Variants in SIPA1L3 observed in about 807,000 individuals in gnomAD.
SIPA1L3 encodes the protein signal induced proliferation associated 1 like 3.
A neutral mutation model predicts 150.1 loss-of-function variants in SIPA1L3; 59 were observed. That is an observed-to-expected ratio of 0.39 (90% CI 0.32 to 0.49). SIPA1L3 has a LOEUF of 0.49. Among genes scored for constraint, SIPA1L3 ranks in the 20% least tolerant of loss-of-function variants. SIPA1L3 has a pLI of 0.86. For synonymous variants in SIPA1L3, 1,070 were observed against 1,077.6 expected (o/e 0.99, Z 0.14); for missense variants, 2,211 against 2,489.5 (o/e 0.89, Z 2.38).
At chr19:37,986,565 G>A (rs755400826) in intron 1 of SIPA1L3, among the ~76,000 whole-genome samples, 1 of 152,214 alleles carries the variant, frequency 6.6e-6, no homozygotes, top group Admixed American at 6.5e-5. Context: ...TGTCGCCAGC[G>A]TTGGGGGCCT....
intron 2 of SIPA1L3, among the ~76,000 whole-genome samples, chr19:38,058,645 A>G (rs905126317): frequency 2.4e-4 from 36 of 152,268 alleles, no homozygotes; most frequent in African/African-American, 6.7e-4. Flanking sequence ...GAGAAAGTGA[A>G]TCTCAAGCTA....
At position 38,119,726 on chromosome 19, in the gene SIPA1L3, C is replaced by T; in HGVS notation, c.2712C>T (p.Thr904=). ...TTGTGGTGCTCCTGGACTTACGCAC[C>T]AAGGAGGTGGTGTTCAACTGCTACT... ...NEFVVLLDLR[T]KEVVFNCYCG... Residue 904 remains threonine (T), a synonymous_variant, in exon 9 of 22, where the codon ACC becomes ACT. Coordinates refer to ENST00000222345, the MANE Select transcript of SIPA1L3 (RefSeq NM_015073.3). 1 of 1,614,144 alleles carries T rather than the reference C, an allele frequency of 6.2e-7. No individual in the cohort carries two copies. The highest frequency in any genetic ancestry group is 8.5e-7 in the Non-Finnish European group (1 of 1,180,018).
At chr19:37,973,554 A>AG (rs529590845) in intron 1 of SIPA1L3, among the ~76,000 whole-genome samples, 1 of 31,712 alleles carries the variant, frequency 3.2e-5, no homozygotes, top group Non-Finnish European at 6.2e-5. Context: ...AAAAAAAAAA[A>AG]GCGGGAGGGG....
intron 1 of SIPA1L3, among the ~76,000 whole-genome samples, chr19:37,919,521 A>G (rs2046440089): frequency 6.6e-6 from 1 of 152,160 alleles, no homozygotes; most frequent in Non-Finnish European, 1.5e-5. Context: ...TATGCAAGTC[A>G]CTGGCTCCAG....
At chr19:38,190,902 G>A (rs184463564) in intron 16 of SIPA1L3, among the ~76,000 whole-genome samples, 6 of 152,136 alleles carry the variant, frequency 3.9e-5, no homozygotes, top group East Asian at 3.9e-4. Flanking sequence ...CACACCATAC[G>A]TGTTTCCTGC....
chr19:38,079,281 C>T (rs375034397), intron 2 of SIPA1L3, among the ~76,000 whole-genome samples: 2 of 152,148 alleles, frequency 1.3e-5, no homozygotes, highest in East Asian at 3.9e-4. Context: ...TGCAGTGAGC[C>T]GAGATCGCGC....
intron 15 of SIPA1L3, among the ~76,000 whole-genome samples, chr19:38,171,571 ATAG>A (rs1342071803): frequency 6.6e-6 from 1 of 151,138 alleles, no homozygotes; most frequent in African/African-American, 2.4e-5. Context: ...TTTTGTATTT[ATAG>A]TAGAGACAGG....
intron 10 of SIPA1L3, among the ~76,000 whole-genome samples, chr19:38,140,581 G>A (rs1463881027): frequency 6.6e-6 from 1 of 152,134 alleles, no homozygotes; most frequent in Non-Finnish European, 1.5e-5. Flanking sequence ...CCTGGCAGCC[G>A]TGTGGCCTGG....
At chr19:38,186,967 A>G (rs1409425899) in intron 16 of SIPA1L3, among the ~76,000 whole-genome samples, 2 of 146,876 alleles carry the variant, frequency 1.4e-5, no homozygotes, top group Non-Finnish European at 3.0e-5. Flanking sequence ...AGATCGTGCC[A>G]TTACACTCCA....
At chr19:37,957,367 G>A (rs190879208) in intron 1 of SIPA1L3, among the ~76,000 whole-genome samples, 1 of 152,292 alleles carries the variant, frequency 6.6e-6, no homozygotes, top group East Asian at 1.9e-4. Context: ...AATATGGTGA[G>A]AATTGCCATA....
At chr19:38,106,329 A>T in intron 6 of SIPA1L3, 1 of 463,904 alleles carries the variant, frequency 2.2e-6, no homozygotes, top group South Asian at 2.1e-5. Flanking sequence ...CTGGTCTCGA[A>T]CTCCTGACCT....
chr19:37,984,381 A>G (rs563794133), intron 1 of SIPA1L3, among the ~76,000 whole-genome samples: 1 of 152,288 alleles, frequency 6.6e-6, no homozygotes, highest in South Asian at 2.1e-4. Flanking sequence ...GGGAGGCAAT[A>G]TTAGAACTAA....
intron 16 of SIPA1L3, chr19:38,184,868 A>G (rs1332958703): frequency 6.6e-6 from 1 of 152,136 alleles, no homozygotes; most frequent in Non-Finnish European, 1.5e-5. Context: ...CATTGACTAC[A>G]CACGTTTATA....
In SIPA1L3 at chr19:38,188,189, G is replaced by C. The variant is rs1294216345; in HGVS notation, c.4431-3956G>C. Among the ~76,000 whole-genome samples the C allele has an allele frequency of 2.6e-5, 4 of 151,484 alleles. No individual in the cohort carries two copies. In the East Asian group the frequency reaches 5.8e-4, roughly 22 times the overall value. ...AACATGTTTTGTTGTTGTGGTGGTG[G>C]TGGTGGTGGTGGTGGTGACAGGGTT... On this transcript the variant is annotated intron_variant, in intron 16 of 21. Transcript: ENST00000222345.
At chr19:38,040,718 G>C (rs1195323190) in intron 2 of SIPA1L3, among the ~76,000 whole-genome samples, 3 of 152,170 alleles carry the variant, frequency 2.0e-5, no homozygotes, top group African/African-American at 7.2e-5. Context: ...TTCAACTGAA[G>C]TATTTTGTTT....
chr19:37,918,979 TATTCTGGTGGGTGCTGTGG>T (rs1170433849), intron 1 of SIPA1L3, among the ~76,000 whole-genome samples: 1 of 152,154 alleles, frequency 6.6e-6, no homozygotes, highest in Non-Finnish European at 1.5e-5. Flanking sequence ...CATTGCTGTG[TATTCTGGTGGGTGCTGTGG>T]GCTCTGGTGG....
At chr19:37,972,215 C>T (rs1966960292) in intron 1 of SIPA1L3, among the ~76,000 whole-genome samples, 1 of 141,892 alleles carries the variant, frequency 7.0e-6, no homozygotes, top group Admixed American at 7.0e-5. Flanking sequence ...GTCATGGGCC[C>T]TTTGACATCT....
intron 1 of SIPA1L3, among the ~76,000 whole-genome samples, chr19:38,023,185 A>G (rs1410797979): frequency 6.6e-6 from 1 of 152,184 alleles, no homozygotes; most frequent in Non-Finnish European, 1.5e-5. Context: ...CAGCACAGTG[A>G]AATCCTCATA....
chr19:38,191,999 C>A, intron 16 of SIPA1L3, 146 bp from the exon 17 acceptor site: 1 of 675,066 alleles, frequency 1.5e-6, no homozygotes, highest in Non-Finnish European at 2.4e-6. Context: ...TGGAGCCAAG[C>A]CCCTCTCTGC....
Sources: allele counts gnomAD v4.1 joint callset (sites outside exome capture counted in the v4.1 genomes callset), GRCh38; gene constraint gnomAD v4.1.1; transcripts MANE v1.5; gene names NCBI Gene and HGNC (gene_info 2026-07-23, HGNC 2026-07-21).